The following ARHGAP6 variants were observed in gnomAD, a reference collection of about 807,000 sequenced individuals.
The protein encoded by ARHGAP6 is rho GTPase-activating protein 6.
In ARHGAP6, 16 loss-of-function variants were observed where a neutral mutation model predicts 55.7. The ratio of observed to expected loss-of-function variants is 0.29; its 90% CI spans 0.19 to 0.44. The LOEUF (loss-of-function observed/expected upper bound fraction) is 0.44, where lower values mean the gene tolerates loss of function less well. Among genes scored for constraint, ARHGAP6 ranks in the 20% least tolerant of loss-of-function variants. The pLI, the probability that ARHGAP6 is intolerant of heterozygous loss-of-function variation, is 1.00. For synonymous variants in ARHGAP6, 382 were observed against 360.9 expected (o/e 1.06, Z -0.66); for missense variants, 698 against 808.9 (o/e 0.86, Z 1.66).
chrX:11,240,955 TG>T, intron 2 of ARHGAP6, among the ~76,000 whole-genome samples: 1 of 4,952 alleles, frequency 2.0e-4, no homozygotes, highest in African/African-American at 7.9e-4. Context: ...TGGGGTGGGG[TG>T]GGGGGCTGAG....
chrX:11,157,608 T>C (rs1441634592), intron 9 of ARHGAP6, among the ~76,000 whole-genome samples: 2 of 112,168 alleles, frequency 1.8e-5, no homozygotes, highest in Non-Finnish European at 3.8e-5. Context: ...CAAAGGAAAC[T>C]CAAAACTATT....
chrX:11,295,781 T>C (rs192423084), intron 1 of ARHGAP6, among the ~76,000 whole-genome samples: 1 of 112,284 alleles, frequency 8.9e-6, no homozygotes, highest in Non-Finnish European at 1.9e-5. Context: ...AGGACCTGAC[T>C]AAAACCATTC....
At chrX:11,212,418 C>A in intron 2 of ARHGAP6, among the ~76,000 whole-genome samples, 1 of 112,631 alleles carries the variant, frequency 8.9e-6, no homozygotes, top group Non-Finnish European at 1.9e-5. Context: ...GATGCAATCA[C>A]TGTAACTCCT....
At chrX:11,149,064 T>C (rs2045738230) in intron 10 of ARHGAP6, among the ~76,000 whole-genome samples, 1 of 111,861 alleles carries the variant, frequency 8.9e-6, no homozygotes, top group Non-Finnish European at 1.9e-5. Flanking sequence ...GGCTCTAAAC[T>C]CTCCACTGGA....
At chrX:11,461,198 GACAA>G (rs1180426408) in intron 1 of ARHGAP6, among the ~76,000 whole-genome samples, 4 of 112,132 alleles carry the variant, frequency 3.6e-5, no homozygotes, top group Admixed American at 9.5e-5. Context: ...GTTGGGAAGA[GACAA>G]ACAAAGAAGG....
At chrX:11,520,470 G>A (rs2050910565) in intron 1 of ARHGAP6, among the ~76,000 whole-genome samples, 1 of 108,552 alleles carries the variant, frequency 9.2e-6, no homozygotes, top group East Asian at 2.9e-4. Flanking sequence ...CTTCATCCAT[G>A]TCCCTACAAA....
At chrX:11,418,767 C>T (rs1482301976) in intron 1 of ARHGAP6, among the ~76,000 whole-genome samples, 4 of 111,449 alleles carry the variant, frequency 3.6e-5, no homozygotes, top group Non-Finnish European at 7.5e-5. Flanking sequence ...CACCTGAGTA[C>T]TTTAAATGTG....
chrX:11,270,514 AG>A (rs1206505060), intron 1 of ARHGAP6, among the ~76,000 whole-genome samples: 1 of 112,240 alleles, frequency 8.9e-6, no homozygotes, highest in Non-Finnish European at 1.9e-5. Flanking sequence ...TAAAGAAAAA[AG>A]GAACAGCCAT....
At chrX:11,439,446 A>C (rs1429053736) in intron 1 of ARHGAP6, among the ~76,000 whole-genome samples, 2 of 112,463 alleles carry the variant, frequency 1.8e-5, no homozygotes, top group African/African-American at 6.5e-5. Flanking sequence ...GACCAACTGC[A>C]TGTTCACTAA....
chrX:11,433,260 T>G (rs1469049219), intron 1 of ARHGAP6, among the ~76,000 whole-genome samples: 1 of 112,215 alleles, frequency 8.9e-6, no homozygotes, highest in African/African-American at 3.2e-5. Context: ...GAGTCGAGAA[T>G]ATGATAATCC....
chrX:11,559,875 C>T (rs1454824781), intron 1 of ARHGAP6, among the ~76,000 whole-genome samples: 2 of 107,693 alleles, frequency 1.9e-5, no homozygotes, highest in African/African-American at 6.8e-5. Context: ...TTGCAGTGAG[C>T]CGAGATCGCG....
At position 11,298,932 on chromosome X, in the gene ARHGAP6, G is replaced by T. The variant is rs104894734; in HGVS notation, c.589-44225C>A. 3.3e-6 allele frequency: 4 copies of T among 1,210,979 alleles called. No individual in the cohort carries two copies. Among genetic ancestry groups the T allele is most frequent in the Non-Finnish European group, 3.4e-6 (3 of 895,359 alleles). On this transcript the variant is annotated intron_variant, in intron 1 of 12. Transcript: ENST00000337414. The stretch of plus-strand genomic sequence containing the variant: ...TCCCATGCTTCCTGATCTGACTCTG[G>T]AAGCTTGGCCATCAACAGACAAGAC...
chrX:11,664,022 A>G (rs1191603705), intron 1 of ARHGAP6, among the ~76,000 whole-genome samples: 1 of 112,792 alleles, frequency 8.9e-6, no homozygotes, highest in Non-Finnish European at 1.9e-5. Context: ...CGACTGCTCC[A>G]AAGTAGAGCC....
At chrX:11,389,690 T>C (rs1255415993) in intron 1 of ARHGAP6, among the ~76,000 whole-genome samples, 1 of 112,666 alleles carries the variant, frequency 8.9e-6, no homozygotes, top group Non-Finnish European at 1.9e-5. Context: ...TTTCAAGCTA[T>C]ACAATTATAT....
intron 1 of ARHGAP6, among the ~76,000 whole-genome samples, chrX:11,475,991 A>G (rs1277507377): frequency 8.9e-6 from 1 of 111,736 alleles, no homozygotes; most frequent in African/African-American, 3.2e-5. Flanking sequence ...AAGGAGATGC[A>G]TATTAAAGCC....
intron 1 of ARHGAP6, among the ~76,000 whole-genome samples, chrX:11,599,698 C>T (rs1601686829): frequency 1.8e-5 from 2 of 111,402 alleles, no homozygotes; most frequent in Admixed American, 9.6e-5. Context: ...TTCTGGGGCT[C>T]TGGTGGGTAG....
intron 1 of ARHGAP6, among the ~76,000 whole-genome samples, chrX:11,625,185 T>C (rs1314744177): frequency 9.0e-6 from 1 of 111,660 alleles, no homozygotes; most frequent in Non-Finnish European, 1.9e-5. Flanking sequence ...AGAAAATGCA[T>C]CTGTCAAAGA....
At chrX:11,489,081 T>C (rs1325012289) in intron 1 of ARHGAP6, among the ~76,000 whole-genome samples, 1 of 112,444 alleles carries the variant, frequency 8.9e-6, no homozygotes, top group Admixed American at 9.4e-5. Context: ...TAATGAATCA[T>C]ACATGCAAAA....
chrX:11,176,718 G>A (rs2046231114), intron 8 of ARHGAP6, among the ~76,000 whole-genome samples: 1 of 110,964 alleles, frequency 9.0e-6, no homozygotes, highest in Admixed American at 9.6e-5. Context: ...AGTTGATAGA[G>A]GTTGGCATCC....
Sources: gnomAD v4.1 joint callset for allele counts (sites outside exome capture counted in the v4.1 genomes callset) on GRCh38, gnomAD v4.1.1 for gene constraint, MANE v1.5 for transcripts, NCBI Gene and HGNC (gene_info 2026-07-23, HGNC 2026-07-21) for gene names.